The following TANC1 variants were observed in gnomAD, a reference collection of about 807,000 sequenced individuals.
The protein encoded by TANC1 is tetratricopeptide repeat, ankyrin repeat and coiled-coil containing 1, also known as protein TANC1.
A neutral mutation model predicts 149.7 loss-of-function variants in TANC1; 77 were observed. The observed-to-expected ratio is 0.51, with a 90% CI of 0.43 to 0.62. The LOEUF (loss-of-function observed/expected upper bound fraction) is 0.62. TANC1 is among the 20% of genes least tolerant of loss of function. The pLI is 0.00. For missense variants in TANC1, 1,985 were observed against 2,321.8 expected, an observed-to-expected ratio of 0.85 and a Z score of 2.98; for synonymous variants, 854 against 925.0, an observed-to-expected ratio of 0.92 and a Z score of 1.39.
At chr2:159,104,600 G>A in intron 4 of TANC1, among the ~76,000 whole-genome samples, 1 of 94,072 alleles carries the variant, frequency 1.1e-5, no homozygotes, top group Non-Finnish European at 2.9e-5. Context: ...CCAGGCTGGA[G>A]TGCAGTGGTG....
chr2:159,217,091 G>A (rs987016167), intron 19 of TANC1, among the ~76,000 whole-genome samples: 1 of 152,172 alleles, frequency 6.6e-6, no homozygotes, highest in Non-Finnish European at 1.5e-5. Flanking sequence ...ACCCAGGCTG[G>A]TGGATCCCCT....
intron 14 of TANC1, among the ~76,000 whole-genome samples, chr2:159,180,207 T>C (rs970629557): frequency 5.9e-5 from 9 of 152,238 alleles, no homozygotes; most frequent in African/African-American, 2.2e-4. Context: ...GTTGTTATCT[T>C]TTGAACCTGG....
At chr2:159,039,197 T>G (rs1559159716) in intron 2 of TANC1, among the ~76,000 whole-genome samples, 1 of 152,190 alleles carries the variant, frequency 6.6e-6, no homozygotes, top group Non-Finnish European at 1.5e-5. Context: ...ATTGGTGATA[T>G]CCCCTTTATC....
intron 13 of TANC1, among the ~76,000 whole-genome samples, chr2:159,176,756 T>G (rs1001702253): frequency 8.5e-5 from 13 of 152,184 alleles, no homozygotes; most frequent in Non-Finnish European, 1.8e-4. Flanking sequence ...ACGTTCACTT[T>G]TCAAATGGTG....
At chr2:159,096,008 G>A (rs573713859) in intron 3 of TANC1, among the ~76,000 whole-genome samples, 2 of 151,936 alleles carry the variant, frequency 1.3e-5, no homozygotes, top group African/African-American at 4.8e-5. Flanking sequence ...TGTATGTGTG[G>A]TTTTTTTGGT....
chr2:158,972,445 G>A (rs1478966514), intron 1 of TANC1, among the ~76,000 whole-genome samples: 1 of 152,096 alleles, frequency 6.6e-6, no homozygotes, highest in Non-Finnish European at 1.5e-5. Context: ...TGGGTTGATG[G>A]TAAAGAGGTA....
chr2:158,986,053 A>G (rs2034971065), intron 1 of TANC1, among the ~76,000 whole-genome samples: 1 of 152,206 alleles, frequency 6.6e-6, no homozygotes, highest in African/African-American at 2.4e-5. Context: ...CGATCTTACA[A>G]GTAAACAGCT....
Position 159,179,876 on chromosome 2 carries a change from T to G in TANC1, c.2510+713T>G, listed in dbSNP as rs76086840. Among the ~76,000 whole-genome samples, 190 of 152,232 alleles carry G rather than the reference T, an allele frequency of 1.2e-3. No individual in the cohort carries two copies. In the East Asian group the frequency reaches 0.03, roughly 24 times the overall value. ...TTGAGGATGCAGATGCGTTCAGATA[T>G]GTATATGGCAAGCCCCCAACTTCCA... On this transcript the variant is annotated intron_variant, in intron 14 of 26. Transcript: ENST00000263635.
At chr2:159,207,512 C>T (rs886273645) in intron 19 of TANC1, among the ~76,000 whole-genome samples, 1 of 151,790 alleles carries the variant, frequency 6.6e-6, no homozygotes, top group African/African-American at 2.4e-5. Context: ...CCAGTCTGGC[C>T]AACATGGTGA....
At chr2:159,109,973 A>G (rs2047565362) in intron 4 of TANC1, among the ~76,000 whole-genome samples, 1 of 152,266 alleles carries the variant, frequency 6.6e-6, no homozygotes, top group South Asian at 2.1e-4. Flanking sequence ...TAAGATCTAT[A>G]GTAAGAATGA....
intron 1 of TANC1, among the ~76,000 whole-genome samples, 197 bp from the exon 2 acceptor site, chr2:159,000,883 T>G (rs1192945866): frequency 6.6e-6 from 1 of 152,174 alleles, no homozygotes; most frequent in African/African-American, 2.4e-5. Context: ...TCACTGACCC[T>G]GCGCTGGACA....
intron 4 of TANC1, among the ~76,000 whole-genome samples, chr2:159,121,508 A>G (rs569101478): frequency 3.3e-5 from 5 of 152,154 alleles, no homozygotes; most frequent in Admixed American, 3.3e-4. Context: ...TAATTTTTGT[A>G]TTTTTAGTGG....
At chr2:159,210,297 T>C (rs2150845596) in intron 19 of TANC1, among the ~76,000 whole-genome samples, 1 of 152,316 alleles carries the variant, frequency 6.6e-6, no homozygotes, top group South Asian at 2.1e-4. Flanking sequence ...AGACCCATTG[T>C]TGTGATCTGT....
At chr2:159,183,890 G>A (rs1048737147) in intron 14 of TANC1, among the ~76,000 whole-genome samples, 1 of 152,126 alleles carries the variant, frequency 6.6e-6, no homozygotes, top group Non-Finnish European at 1.5e-5. Flanking sequence ...CTTGCATATC[G>A]TTTGCGTGTC....
At chr2:159,186,709 G>C (rs1456646730) in intron 15 of TANC1, 193 bp from the exon 16 acceptor site, 1 of 611,280 alleles carries the variant, frequency 1.6e-6, no homozygotes, top group African/African-American at 1.9e-5. Flanking sequence ...AGGCAGGCTG[G>C]TTCCTTGACC....
intron 2 of TANC1, chr2:159,004,118 C>T: frequency 5.0e-6 from 8 of 1,611,664 alleles, no homozygotes; most frequent in Non-Finnish European, 6.8e-6. Flanking sequence ...ATGCAGAAGC[C>T]AAACCAATCA....
chr2:159,152,011 C>A (rs2052866082), intron 7 of TANC1, among the ~76,000 whole-genome samples: 1 of 151,810 alleles, frequency 6.6e-6, no homozygotes, highest in South Asian at 2.1e-4. Context: ...ACTCCAAGCT[C>A]CCCAGTCCTA....
chr2:159,211,445 G>A (rs1190454366), intron 19 of TANC1, among the ~76,000 whole-genome samples: 3 of 152,168 alleles, frequency 2.0e-5, no homozygotes, highest in Non-Finnish European at 4.4e-5. Context: ...CCATAGCAAG[G>A]CATTCTCTTC....
chr2:159,025,973 C>T (rs932246674), intron 2 of TANC1, among the ~76,000 whole-genome samples: 1 of 152,186 alleles, frequency 6.6e-6, no homozygotes, highest in South Asian at 2.1e-4. Flanking sequence ...CTCACTCTAT[C>T]GCCCAGGCTG....
Sources: gnomAD v4.1 joint callset for allele counts (sites outside exome capture counted in the v4.1 genomes callset) on GRCh38, gnomAD v4.1.1 for gene constraint, MANE v1.5 for transcripts, NCBI Gene and HGNC (gene_info 2026-07-23, HGNC 2026-07-21) for gene names.